TRIM33: variants seen among roughly 807,000 people sequenced by gnomAD.
The protein encoded by TRIM33 is E3 ubiquitin-protein ligase TRIM33.
In TRIM33, 20 loss-of-function variants were observed where a neutral mutation model predicts 125.4. The ratio of observed to expected loss-of-function variants is 0.16; its 90% CI spans 0.11 to 0.23. TRIM33 has a LOEUF of 0.23. Among genes scored for constraint, TRIM33 ranks in the 10% least tolerant of loss-of-function variants. TRIM33 has a pLI of 1.00. For missense variants in TRIM33, 920 were observed against 1,411.4 expected (o/e 0.65, Z 5.58); for synonymous variants, 564 against 513.9 (o/e 1.10, Z -1.32).
chr1:114,439,044 G>A (rs1648482281), intron 4 of TRIM33, among the ~76,000 whole-genome samples: 1 of 152,092 alleles, frequency 6.6e-6, no homozygotes, highest in Non-Finnish European at 1.5e-5. Context: ...ATAGAACAGG[G>A]AGCAAAAGCT....
At chr1:114,413,558 C>CAAAAAAAA (rs34268626) in intron 11 of TRIM33, among the ~76,000 whole-genome samples, 6 of 40,808 alleles carry the variant, frequency 1.5e-4, no homozygotes, top group South Asian at 1.0e-3. Context: ...AACTCCATCT[C>CAAAAAAAA]AAAAAAAAAA....
chr1:114,459,575 G>C (rs1435533611), intron 4 of TRIM33, among the ~76,000 whole-genome samples: 1 of 152,148 alleles, frequency 6.6e-6, no homozygotes, highest in African/African-American at 2.4e-5. Context: ...TTTAAATCCA[G>C]CCTGGGCGAC....
intron 1 of TRIM33, among the ~76,000 whole-genome samples, chr1:114,492,187 G>T (rs894593490): frequency 5.3e-5 from 8 of 152,088 alleles, no homozygotes; most frequent in South Asian, 2.1e-4. Flanking sequence ...TAATACTGGG[G>T]TTACAAATAA....
chr1:114,510,027 C>G (rs939801630), intron 1 of TRIM33, among the ~76,000 whole-genome samples: 1 of 152,138 alleles, frequency 6.6e-6, no homozygotes, highest in Non-Finnish European at 1.5e-5. Context: ...TTCTTCCAGG[C>G]GCCTTCTCTG....
Position 114,395,999 on chromosome 1 carries a change from T to C in TRIM33, c.*1649A>G. On this transcript the variant is annotated 3_prime_UTR_variant, in exon 20 of 20. Coordinates refer to ENST00000358465, the MANE Select transcript of TRIM33 (RefSeq NM_015906.4). ...CTCTTAGACAATTACGTGAAATAAT[T>C]TTCTGAGTAGTCTACTCTCTGAACT... 1 of 195,386 alleles carries C rather than the reference T, an allele frequency of 5.1e-6. No homozygotes were observed. Among genetic ancestry groups the C allele is most frequent in the Non-Finnish European group, 1.1e-5 (1 of 93,796 alleles). 12.1% of individuals were successfully genotyped at this position (195,386 alleles called of 1,614,324 possible).
chr1:114,422,751 G>C (rs137904810), intron 10 of TRIM33, among the ~76,000 whole-genome samples: 110 of 152,024 alleles, frequency 7.2e-4, no homozygotes, highest in African/African-American at 2.5e-3. Flanking sequence ...AAATGGGTTC[G>C]AATATTTGAT....
intron 1 of TRIM33, among the ~76,000 whole-genome samples, chr1:114,465,096 AAACT>A (rs1327645510): frequency 6.6e-6 from 1 of 152,250 alleles, no homozygotes; most frequent in Non-Finnish European, 1.5e-5. Flanking sequence ...CAGCAACAGA[AAACT>A]AATATACAAT....
At chr1:114,407,605 G>A (rs1425828489) in intron 13 of TRIM33, among the ~76,000 whole-genome samples, 1 of 152,176 alleles carries the variant, frequency 6.6e-6, no homozygotes, top group Non-Finnish European at 1.5e-5. Context: ...AAAGACTGCT[G>A]TGATTATAGC....
At position 114,407,344 on chromosome 1, in the gene TRIM33, T is replaced by TCA. The variant is rs754655019; in HGVS notation, c.2259-246_2259-245dup. On this transcript the variant is annotated intron_variant, in intron 13 of 19. Coordinates refer to ENST00000358465, the MANE Select transcript of TRIM33 (RefSeq NM_015906.4). ...CATTTTATGGTTTGAAGCACTTTCTTCACACACACACACGCACACACACAC... is the reference window on the plus strand; with the variant it reads ...CATTTTATGGTTTGAAGCACTTTCTTCACACACACACACACGCACACACACAC... Among the ~76,000 whole-genome samples the TCA allele has an allele frequency of 3.7e-3, 556 of 151,930 alleles. 1 individual carries two copies. The highest frequency in any genetic ancestry group is 0.02 in the Middle Eastern group (6 of 294).
At chr1:114,417,352 T>C (rs796707653) in intron 11 of TRIM33, among the ~76,000 whole-genome samples, 14 of 152,306 alleles carry the variant, frequency 9.2e-5, no homozygotes, top group African/African-American at 3.4e-4. Flanking sequence ...ATATGAATTG[T>C]ATTTCAATAA....
intron 1 of TRIM33, among the ~76,000 whole-genome samples, chr1:114,469,965 T>A (rs961573629): frequency 2.6e-4 from 40 of 152,340 alleles, no homozygotes; most frequent in African/African-American, 7.9e-4. Context: ...ATTTAGATAA[T>A]GTCAGTAAGT....
intron 4 of TRIM33, among the ~76,000 whole-genome samples, chr1:114,434,974 T>TC (rs1473607900): frequency 6.6e-6 from 1 of 152,016 alleles, no homozygotes; most frequent in African/African-American, 2.4e-5. Context: ...CATAAATACT[T>TC]CAATATGGCC....
At chr1:114,458,524 C>G (rs1649757135) in intron 4 of TRIM33, among the ~76,000 whole-genome samples, 1 of 152,130 alleles carries the variant, frequency 6.6e-6, no homozygotes, top group Non-Finnish European at 1.5e-5. Context: ...GTTTTGACAC[C>G]TCTATGATTT....
chr1:114,510,586 G>C lies in TRIM33; in HGVS notation c.491C>G (p.Pro164Arg). 1 of 1,538,042 alleles carries C rather than the reference G, an allele frequency of 6.5e-7. No individual in the cohort carries two copies. Among genetic ancestry groups the C allele is most frequent in the Non-Finnish European group, 8.7e-7 (1 of 1,147,048 alleles). ...LPEPERQLSV[P>R]IPGGSNGDIQ... is the part of the protein sequence containing the mutation. ...GTCGCCGTTGCTGCCCCCCGGGATG[G>C]GCACGCTGAGCTGGCGCTCCGGCTC... is the stretch of plus-strand genomic sequence containing the variant. The change falls in exon 1 of 20, where the codon CCC (proline) becomes CGC (arginine). Residue 164 changes from proline (P) to arginine (R), a missense_variant. Pro to Arg is a moderately radical substitution (Grantham distance 103). Transcript: ENST00000358465.
In TRIM33 at chr1:114,397,285, G is replaced by A. The variant is rs75224258; in HGVS notation, c.*363C>T. 7,103 of 274,380 alleles carry A rather than the reference G, an allele frequency of 0.026. 142 individuals carry two copies. The highest frequency in any genetic ancestry group is 0.033 in the Non-Finnish European group (4,768 of 143,636). The allele number at this position is 274,380 out of a possible 1,614,324, so 17.0% of individuals were successfully genotyped here. A position where few individuals can be genotyped will look rare whatever the true frequency, so the allele number is the denominator to read the frequency against. ...AAAAAGAAAATTTATCAAGTGACAC[G>A]AGTCTCAAGTATTTACTCGTATACC... On this transcript the variant is annotated 3_prime_UTR_variant, in exon 20 of 20. Coordinates refer to ENST00000358465, the MANE Select transcript of TRIM33 (RefSeq NM_015906.4).
chr1:114,411,098 G>A (rs1174299233), intron 11 of TRIM33, among the ~76,000 whole-genome samples: 1 of 152,080 alleles, frequency 6.6e-6, no homozygotes, highest in East Asian at 1.9e-4. Flanking sequence ...GAAGAGCAGT[G>A]GCATCATCTT....
chr1:114,457,362 A>AG (rs1293389621), intron 4 of TRIM33, among the ~76,000 whole-genome samples: 1 of 152,242 alleles, frequency 6.6e-6, no homozygotes, highest in Non-Finnish European at 1.5e-5. Context: ...TTTTTGGACC[A>AG]GAAGATGTCC....
At chr1:114,443,807 A>G (rs1331360394) in intron 4 of TRIM33, among the ~76,000 whole-genome samples, 1 of 151,630 alleles carries the variant, frequency 6.6e-6, no homozygotes, top group African/African-American at 2.4e-5. Context: ...CCAAGGCAGG[A>G]GGATCACTTG....
chr1:114,465,390 T>C (rs1405032413), intron 1 of TRIM33, among the ~76,000 whole-genome samples: 1 of 152,236 alleles, frequency 6.6e-6, no homozygotes, highest in Non-Finnish European at 1.5e-5. Context: ...TAGTTTATAA[T>C]GTACACAATT....
Sources: gnomAD v4.1 joint callset for allele counts (sites outside exome capture counted in the v4.1 genomes callset) on GRCh38, gnomAD v4.1.1 for gene constraint, MANE v1.5 for transcripts, NCBI Gene and HGNC (gene_info 2026-07-23, HGNC 2026-07-21) for gene names.